The following PCBP3 variants were observed in gnomAD, a reference collection of about 807,000 sequenced individuals.
PCBP3 encodes the protein poly(rC) binding protein 3, also known as poly(rC)-binding protein 3.
In PCBP3, 25 loss-of-function variants were observed where a neutral mutation model predicts 52.7. That is an observed-to-expected ratio of 0.47 (90% CI 0.35 to 0.66). PCBP3 has a LOEUF of 0.66. Ranked by LOEUF, PCBP3 falls within the 30% of genes least tolerant of loss-of-function variation. PCBP3 has a pLI of 0.01. For missense variants in PCBP3, 391 were observed against 490.3 expected, an observed-to-expected ratio of 0.80 and a Z score of 1.91; for synonymous variants, 162 against 183.0, an observed-to-expected ratio of 0.89 and a Z score of 0.93.
At chr21:45,751,890 A>G (rs1186320401) in intron 3 of PCBP3, among the ~76,000 whole-genome samples, 1 of 152,216 alleles carries the variant, frequency 6.6e-6, no homozygotes, top group Non-Finnish European at 1.5e-5. Context: ...TGAGTGAAGT[A>G]GAGCACCTTT....
rs1191147183 is a variant in PCBP3, at chr21:45,880,227, G to A, written c.11-15981G>A. 6.6e-6 allele frequency among the ~76,000 whole-genome samples: 1 copy of A among 152,214 alleles called. No individual in the cohort carries two copies. Among genetic ancestry groups the A allele is most frequent in the Non-Finnish European group, 1.5e-5 (1 of 68,054 alleles). ...GCCAGCCTTCGAAAGCAGGACTGTT[G>A]CCTGGTTCCCCAGTTGCCCTCCTGG... is the stretch of plus-strand genomic sequence containing the variant. On this transcript the variant is annotated intron_variant, in intron 5 of 17. Transcript: ENST00000681687. This position sits in a 1 kb window ranked among gnomAD's most constrained non-coding sequence, Gnocchi z 5.4.
At chr21:45,929,674 G>A (rs3746990) in intron 13 of PCBP3, among the ~76,000 whole-genome samples, 8,683 of 152,256 alleles carry the variant, frequency 0.057, 602 homozygotes, top group African/African-American at 0.16. Flanking sequence ...CTGCCGGGGA[G>A]CCAGGGAGAG....
At chr21:45,723,261 G>A (rs951627128) in intron 2 of PCBP3, among the ~76,000 whole-genome samples, 4 of 152,166 alleles carry the variant, frequency 2.6e-5, no homozygotes, top group Non-Finnish European at 4.4e-5. Context: ...GCCTGCTCTC[G>A]AGGGAGGCTC....
Position 45,674,989 on chromosome 21 carries a change from G to A in PCBP3, c.-200+6037G>A, listed in dbSNP as rs375506033. ...TATTTCTCTTGCTCTGGATGCCACC[G>A]CATCTTCAGGACACAGCTTCTCCTG... On this transcript the variant is annotated intron_variant, in intron 2 of 17. Coordinates refer to ENST00000681687, the MANE Select transcript of PCBP3 (RefSeq NM_001384156.1). Among the ~76,000 whole-genome samples, 98 of 152,240 alleles carry A rather than the reference G, an allele frequency of 6.4e-4. 1 individual carries two copies. The South Asian group carries it at 0.02, about 30-fold the overall frequency.
At position 45,904,303 on chromosome 21, in the gene PCBP3, G is replaced by A. The variant is rs548940273; in HGVS notation, c.339+3190G>A. On this transcript the variant is annotated intron_variant, in intron 9 of 17. Coordinates refer to ENST00000681687, the MANE Select transcript of PCBP3 (RefSeq NM_001384156.1). The surrounding 1 kb of genome is among the most constrained non-coding windows in gnomAD (Gnocchi z 4.8). The stretch of plus-strand genomic sequence containing the variant: ...GCAGACTGTATGGCCAAGGAAGCTC[G>A]AGGGATTCGGACAGTTTTCATCTTT... Among the ~76,000 whole-genome samples the A allele has an allele frequency of 3.9e-5, 6 of 152,324 alleles. No homozygotes were observed. The highest frequency in any genetic ancestry group is 3.9e-4 in the East Asian group (2 of 5,186).
At chr21:45,885,972 T>C (rs2095507379) in intron 5 of PCBP3, among the ~76,000 whole-genome samples, 1 of 152,268 alleles carries the variant, frequency 6.6e-6, no homozygotes, top group Non-Finnish European at 1.5e-5. Context: ...GTTATGAGAC[T>C]CTGGTTATAT....
At chr21:45,907,136 G>A (rs562810702) in intron 9 of PCBP3, among the ~76,000 whole-genome samples, 3 of 152,332 alleles carry the variant, frequency 2.0e-5, no homozygotes, top group African/African-American at 7.2e-5. Flanking sequence ...GTTCTTTCTG[G>A]GGATGGGATC....
chr21:45,826,214 C>T (rs573636089), intron 4 of PCBP3, among the ~76,000 whole-genome samples: 111 of 151,070 alleles, frequency 7.3e-4, no homozygotes, highest in Non-Finnish European at 1.4e-3. Context: ...GCCGAGATTG[C>T]GGCATTGCAC....
At chr21:45,727,409 A>G (rs185728382) in intron 2 of PCBP3, among the ~76,000 whole-genome samples, 1 of 152,334 alleles carries the variant, frequency 6.6e-6, no homozygotes, top group African/African-American at 2.4e-5. Context: ...CATAGAAATG[A>G]CTGTCATGAA....
At chr21:45,785,984 C>G (rs965358124) in intron 4 of PCBP3, among the ~76,000 whole-genome samples, 1 of 150,272 alleles carries the variant, frequency 6.7e-6, no homozygotes, top group Non-Finnish European at 1.5e-5. Context: ...TACCCAGGGA[C>G]ACAAACACTG....
intron 2 of PCBP3, among the ~76,000 whole-genome samples, chr21:45,717,068 A>T (rs1462514283): frequency 6.6e-6 from 1 of 152,096 alleles, no homozygotes; most frequent in Non-Finnish European, 1.5e-5. Context: ...TTGCATTTTT[A>T]AAAAATTAAA....
rs1052836468 is a variant in PCBP3 at position 45,821,975 on chromosome 21, A to G, written c.-125-27986A>G. On this transcript the variant is annotated intron_variant, in intron 4 of 17. Transcript: ENST00000681687. The surrounding 1 kb of genome is among the most constrained non-coding windows in gnomAD (Gnocchi z 4.4). ...CTCTTTCCTGACAACTTAGCTATTTATCAGACCCCAAAATCATGAGCCTTG... is the reference window on the plus strand; with the variant it reads ...CTCTTTCCTGACAACTTAGCTATTTGTCAGACCCCAAAATCATGAGCCTTG... Among the ~76,000 whole-genome samples the G allele has an allele frequency of 2.0e-5, 3 of 152,164 alleles. No individual in the cohort carries two copies. Among genetic ancestry groups the G allele is most frequent in the Non-Finnish European group, 2.9e-5 (2 of 68,042 alleles).
rs1038595832 is a variant in PCBP3 at position 45,737,854 on chromosome 21, G to A, written c.-162+2425G>A. 6.6e-6 allele frequency among the ~76,000 whole-genome samples: 1 copy of A among 152,240 alleles called. No homozygotes were observed. The highest frequency in any genetic ancestry group is 1.5e-5 in the Non-Finnish European group (1 of 68,048). On this transcript the variant is annotated intron_variant, in intron 3 of 17. Coordinates refer to ENST00000681687, the MANE Select transcript of PCBP3 (RefSeq NM_001384156.1). This position sits in a 1 kb window ranked among gnomAD's most constrained non-coding sequence, Gnocchi z 4.9. ...GCAGCTTCTCGCTGTGAGATTCTGG[G>A]GTGCCATGATGAAGCAGAGCGGAGC...
At chr21:45,845,473 ATGTG>A (rs1336924843) in intron 4 of PCBP3, among the ~76,000 whole-genome samples, 1 of 141,848 alleles carries the variant, frequency 7.0e-6, no homozygotes, top group Non-Finnish European at 1.5e-5. Flanking sequence ...TCACCTGTGT[ATGTG>A]TGTGTGTGAG....
At chr21:45,755,958 C>A (rs1393883402) in intron 4 of PCBP3, among the ~76,000 whole-genome samples, 1 of 151,780 alleles carries the variant, frequency 6.6e-6, no homozygotes, top group Non-Finnish European at 1.5e-5. Context: ...CATTTTTTGT[C>A]TTTTATGGTT....
Position 45,838,626 on chromosome 21 carries a change from T to C in PCBP3, c.-125-11335T>C, listed in dbSNP as rs1032460699. 2.0e-5 allele frequency among the ~76,000 whole-genome samples: 3 copies of C among 152,342 alleles called. No homozygotes were observed. The East Asian group carries it at 5.8e-4, about 29-fold the overall frequency. On this transcript the variant is annotated intron_variant, in intron 4 of 17. Transcript: ENST00000681687. ...AAAATTTAAAACTTATACTAGTTTT[T>C]CTTTTCTCTCATCATTACCATGATT...
intron 4 of PCBP3, among the ~76,000 whole-genome samples, chr21:45,768,751 G>A (rs1346213112): frequency 4.6e-5 from 7 of 152,204 alleles, no homozygotes; most frequent in Non-Finnish European, 2.9e-5. Context: ...CCTCCCCATG[G>A]TGGCAGCAGG....
At chr21:45,920,370 A>G (rs2074267963) in intron 13 of PCBP3, among the ~76,000 whole-genome samples, 1 of 152,146 alleles carries the variant, frequency 6.6e-6, no homozygotes, top group African/African-American at 2.4e-5. Context: ...ATTGGCTTTT[A>G]CTTCGATTGG....
intron 2 of PCBP3, among the ~76,000 whole-genome samples, chr21:45,684,646 C>T (rs1401730405): frequency 1.3e-5 from 2 of 152,194 alleles, no homozygotes; most frequent in African/African-American, 2.4e-5. Context: ...CTTTCACCTT[C>T]CACCATGAGT....
Sources: allele counts gnomAD v4.1 joint callset (sites outside exome capture counted in the v4.1 genomes callset), GRCh38; gene constraint gnomAD v4.1.1; non-coding constraint Gnocchi (gnomAD v3.1); transcripts MANE v1.5; gene names NCBI Gene and HGNC (gene_info 2026-07-23, HGNC 2026-07-21).